ACSF2: variants seen among roughly 807,000 people sequenced by gnomAD.
ACSF2 encodes medium-chain acyl-CoA ligase ACSF2, mitochondrial.
In ACSF2, 52 loss-of-function variants were observed where a neutral mutation model predicts 79.3. That is an observed-to-expected ratio of 0.66 (90% CI 0.53 to 0.83). The LOEUF is 0.83. Ranked by LOEUF, ACSF2 falls within the 40% of genes least tolerant of loss-of-function variation. The pLI, the probability that ACSF2 is intolerant of heterozygous loss-of-function variation, is 0.00. For synonymous variants in ACSF2, 283 were observed against 312.6 expected, an observed-to-expected ratio of 0.91 and a Z score of 1.00; for missense variants, 661 against 803.3, an observed-to-expected ratio of 0.82 and a Z score of 2.14.
Position 50,460,994 on chromosome 17 carries a change from C to T in ACSF2, c.324+122C>T, listed in dbSNP as rs2143700861. The T allele has an allele frequency of 3.2e-6, 4 of 1,252,292 alleles. No individual in the cohort carries two copies. The South Asian group carries it at 4.5e-5, about 14-fold the overall frequency. 77.6% of individuals were successfully genotyped at this position (1,252,292 alleles called of 1,614,324 possible). On this transcript the variant is annotated intron_variant, in intron 2 of 15. Coordinates refer to ENST00000300441, the MANE Select transcript of ACSF2 (RefSeq NM_025149.6). ...CAATGTGCTAGGGCTGCCAGAGAAC[C>T]CCGAGGGATGGCAGGAGAAGGAGAC...
At chr17:50,445,951 G>C (rs953712602) in intron 1 of ACSF2, among the ~76,000 whole-genome samples, 1 of 152,200 alleles carries the variant, frequency 6.6e-6, no homozygotes, top group Non-Finnish European at 1.5e-5. Flanking sequence ...ATCTGAAACA[G>C]GTTGGCAGGG....
chr17:50,466,571 A>G (rs1264132055), intron 10 of ACSF2, among the ~76,000 whole-genome samples: 1 of 152,098 alleles, frequency 6.6e-6, no homozygotes, highest in Non-Finnish European at 1.5e-5. Flanking sequence ...AGCAATCCAA[A>G]CTGGTACACG....
chr17:50,428,714 G>A (rs1450499799), intron 1 of ACSF2, among the ~76,000 whole-genome samples: 5 of 152,154 alleles, frequency 3.3e-5, no homozygotes, highest in Non-Finnish European at 4.4e-5. Flanking sequence ...CCTGGGAAGC[G>A]GAGGTTGCAC....
At chr17:50,469,426 C>G (rs997130582) in intron 10 of ACSF2, among the ~76,000 whole-genome samples, 9 of 152,196 alleles carry the variant, frequency 5.9e-5, no homozygotes, top group African/African-American at 2.2e-4. Flanking sequence ...GTCGGTCTCC[C>G]ACTTCAGACT....
rs186651918 is a variant in ACSF2 at position 50,472,907 on chromosome 17, A to G, written c.1475+328A>G. The G allele has an allele frequency of 1.3e-3, 268 of 199,072 alleles. 2 individuals are homozygous for G. Among genetic ancestry groups the G allele is most frequent in the African/African-American group, 5.9e-3 (253 of 43,088 alleles). The allele number at this position is 199,072 out of a possible 1,614,324, so 12.3% of individuals were successfully genotyped here. ...TAGAGGTCCAGAGGAAAGTAAGATG[A>G]GAAGGATCCTGCTTTTTGGAGGAAG... On this transcript the variant is annotated intron_variant, in intron 12 of 15. Coordinates refer to ENST00000300441, the MANE Select transcript of ACSF2 (RefSeq NM_025149.6).
chr17:50,474,476 C>T lies in ACSF2; in HGVS notation c.1798-26C>T, dbSNP rs112859193. 2 of 1,613,014 alleles carry T rather than the reference C, an allele frequency of 1.2e-6. No individual in the cohort carries two copies. Among genetic ancestry groups the T allele is most frequent in the African/African-American group, 2.7e-5 (2 of 75,016 alleles). On this transcript the variant is annotated intron_variant, in intron 15 of 15. Coordinates refer to ENST00000300441, the MANE Select transcript of ACSF2 (RefSeq NM_025149.6). This position sits in a 1 kb window ranked among gnomAD's most constrained non-coding sequence, Gnocchi z 4.2. Reference sequence around the variant, plus strand: ...TTGGGTGAACCAAGACAGCTGGTAACCCTAACTCCATTTTCTTTCCTCTAG... The same window carrying T: ...TTGGGTGAACCAAGACAGCTGGTAATCCTAACTCCATTTTCTTTCCTCTAG...
intron 1 of ACSF2, 38 bp downstream of exon 1, chr17:50,426,427 T>C: frequency 7.8e-7 from 1 of 1,285,668 alleles, no homozygotes; most frequent in Non-Finnish European, 9.9e-7. Context: ...GGCGGGGCAG[T>C]TCCCCGGGAG....
At chr17:50,460,179 C>T (rs1471715395) in intron 1 of ACSF2, 6 of 456,204 alleles carry the variant, frequency 1.3e-5, no homozygotes, top group African/African-American at 1.2e-4. Context: ...TTATCCCTTT[C>T]CTATTCTGTC....
intron 10 of ACSF2, chr17:50,468,897 C>G (rs1020472795): frequency 1.4e-6 from 2 of 1,431,504 alleles, no homozygotes; most frequent in Non-Finnish European, 1.8e-6. Flanking sequence ...TCGGGTCTGC[C>G]GCCCTCTTTA....
Position 50,474,009 on chromosome 17 carries a change from G to A in ACSF2, c.1728+5G>A. 1 of 1,516,712 alleles carries A rather than the reference G, an allele frequency of 6.6e-7. No homozygotes were observed. The highest frequency in any genetic ancestry group is 8.8e-7 in the Non-Finnish European group (1 of 1,132,044). 94.0% of individuals were successfully genotyped at this position (1,516,712 alleles called of 1,614,324 possible). On this transcript the variant is annotated splice_donor_5th_base_variant and intron_variant, in intron 14 of 15. Transcript: ENST00000300441. This position sits in a 1 kb window ranked among gnomAD's most constrained non-coding sequence, Gnocchi z 4.2. ...AAAGCTTTCTGCAAAGGGAAGGTGG[G>A]AGCCTCCGCTCAACCTAGCTGATGC...
intron 1 of ACSF2, among the ~76,000 whole-genome samples, chr17:50,447,303 G>A (rs2031363841): frequency 6.6e-6 from 1 of 152,144 alleles, no homozygotes; most frequent in Non-Finnish European, 1.5e-5. Context: ...ACTTTGGGAG[G>A]TTGAGACAGG....
Position 50,433,116 on chromosome 17 carries a change from T to TC in ACSF2, c.128+6727_128+6728insC, listed in dbSNP as rs971806580. On this transcript the variant is annotated intron_variant, in intron 1 of 15. Transcript: ENST00000300441. ...TTAAATATGTTTTTCTTTTTCTTTT[T>TC]TTTTTTTTTGAGACGGAGTCTCGCA... Among the ~76,000 whole-genome samples the TC allele has an allele frequency of 4.2e-3, 636 of 151,786 alleles. 7 individuals are homozygous for TC. Among genetic ancestry groups the TC allele is most frequent in the African/African-American group, 0.015 (612 of 41,404 alleles).
intron 10 of ACSF2, chr17:50,465,184 A>T: frequency 1.5e-6 from 2 of 1,292,818 alleles, no homozygotes; most frequent in South Asian, 1.4e-5. Context: ...CTCTGTAAAA[A>T]TGGAGGGTCT....
At chr17:50,465,061 C>A in intron 10 of ACSF2, 1 of 554,740 alleles carries the variant, frequency 1.8e-6, no homozygotes, top group Non-Finnish European at 3.2e-6. Flanking sequence ...TGCAAAGAGG[C>A]AAAGATCGAT....
intron 1 of ACSF2, among the ~76,000 whole-genome samples, chr17:50,442,688 C>G (rs988814275): frequency 2.6e-5 from 4 of 152,074 alleles, no homozygotes; most frequent in Admixed American, 6.5e-5. Context: ...CTGGCCTGAG[C>G]TCCTGAATTC....
intron 1 of ACSF2, among the ~76,000 whole-genome samples, chr17:50,452,320 T>C (rs1019472874): frequency 3.9e-5 from 6 of 151,940 alleles, no homozygotes; most frequent in African/African-American, 1.5e-4. Context: ...TAAAACCAAA[T>C]CCCTTTAAGA....
chr17:50,453,828 T>C (rs1166903157), intron 1 of ACSF2, among the ~76,000 whole-genome samples: 1 of 151,936 alleles, frequency 6.6e-6, no homozygotes, highest in Non-Finnish European at 1.5e-5. Context: ...TCTTGCTCTG[T>C]TGCCCAGGCT....
intron 10 of ACSF2, chr17:50,465,215 G>C (rs961293926): frequency 2.6e-6 from 4 of 1,547,578 alleles, no homozygotes; most frequent in Non-Finnish European, 1.8e-6. Context: ...CCAGGGCCAG[G>C]GGGTATCCTG....
chr17:50,447,707 C>T (rs897130724), intron 1 of ACSF2, among the ~76,000 whole-genome samples: 1 of 152,046 alleles, frequency 6.6e-6, no homozygotes, highest in Non-Finnish European at 1.5e-5. Flanking sequence ...AGAGGAGGTC[C>T]CTTAGCCACA....
Sources: allele counts gnomAD v4.1 joint callset (sites outside exome capture counted in the v4.1 genomes callset), GRCh38; gene constraint gnomAD v4.1.1; non-coding constraint Gnocchi (gnomAD v3.1); transcripts MANE v1.5; gene names NCBI Gene and HGNC (gene_info 2026-07-23, HGNC 2026-07-21).